ZWINT: variants seen among roughly 807,000 people sequenced by gnomAD.
The protein encoded by ZWINT is ZW10 interacting kinetochore protein, also known as outer kinetochore KNL1 complex subunit ZWINT.
A neutral mutation model predicts 41.5 loss-of-function variants in ZWINT; 41 were observed. That is an observed-to-expected ratio of 0.99 (90% confidence interval 0.77 to 1.28). The LOEUF (loss-of-function observed/expected upper bound fraction) is 1.28, where lower values mean the gene tolerates loss of function less well. Ranked by LOEUF, ZWINT falls within the 50% of genes most tolerant of loss-of-function variation. The pLI is 0.00. For synonymous variants in ZWINT, 132 were observed against 126.8 expected (o/e 1.04, Z -0.28); for missense variants, 369 against 329.7 (o/e 1.12, Z -0.92).
intron 6 of ZWINT, 25 bp downstream of exon 6, chr10:56,358,780 C>T (rs778975363): frequency 1.2e-6 from 2 of 1,613,984 alleles, no homozygotes; most frequent in East Asian, 2.2e-5. Context: ...CATTTTGAAT[C>T]TGCAGCCCAT....
At position 56,358,107 on chromosome 10, in the gene ZWINT, G is replaced by A. The variant is rs556296318; in HGVS notation, c.*120C>T. On this transcript the variant is annotated 3_prime_UTR_variant, in exon 9 of 9. Coordinates refer to ENST00000373944, the MANE Select transcript of ZWINT (RefSeq NM_007057.4). ...CACAGATGCCAGAGCTTGCTGGGAT[G>A]TAGTCAGAAATCAAGCTGAACTCAG... The A allele has an allele frequency of 6.1e-6, 4 of 654,054 alleles. No individual in the cohort carries two copies. The highest frequency in any genetic ancestry group is 3.5e-5 in the East Asian group (1 of 28,920). 40.5% of individuals were successfully genotyped at this position (654,054 alleles called of 1,614,324 possible).
At position 56,360,093 on chromosome 10, in the gene ZWINT, C is replaced by T. The variant is rs773393581; in HGVS notation, c.181G>A (p.Asp61Asn). Reference protein sequence around the residue: ...KLLCSQLQVADFLQNILAQED... With the variant: ...KLLCSQLQVANFLQNILAQED... ...TGAGCCAGGATGTTCTGCAGGAAATCCGCTACCTGAAGCTGGCTGCAGAGC... is the reference window on the plus strand; with the variant it reads ...TGAGCCAGGATGTTCTGCAGGAAATTCGCTACCTGAAGCTGGCTGCAGAGC... The change falls in exon 3 of 9, where the codon GAT becomes AAT. Residue 61 changes from aspartate (D) to asparagine (N), a missense_variant. Transcript: ENST00000373944. The T allele has an allele frequency of 6.2e-7, 1 of 1,614,160 alleles. No individual in the cohort carries two copies. The highest frequency in any genetic ancestry group is 1.7e-5 in the Admixed American group (1 of 60,030).
Position 56,357,948 on chromosome 10 carries a change from T to A in ZWINT, c.*279A>T. 2.4e-6 allele frequency: 1 copy of A among 420,954 alleles called. No homozygotes were observed. The highest frequency in any genetic ancestry group is 4.8e-6 in the Non-Finnish European group (1 of 208,184). 26.1% of individuals were successfully genotyped at this position (420,954 alleles called of 1,614,324 possible). A position where few individuals can be genotyped will look rare whatever the true frequency, so the allele number is the denominator to read the frequency against. The stretch of plus-strand genomic sequence containing the variant: ...CCAAGGCCAGTACCCCCTCCCCATC[T>A]GCACACCCTGTGTTCAAACCAGTCC... On this transcript the variant is annotated 3_prime_UTR_variant, in exon 9 of 9. Transcript: ENST00000373944.
chr10:56,359,423 G>A (rs1235155070), intron 5 of ZWINT, 53 bp downstream of exon 5: 38 of 1,481,366 alleles, frequency 2.6e-5, no homozygotes, highest in Admixed American at 4.6e-5. Context: ...GGACACAGCC[G>A]ATACAATGGC....
chr10:56,358,903 C>T lies in ZWINT; in HGVS notation c.525G>A (p.Arg175=). The change falls in exon 6 of 9, where the codon AGG becomes AGA. Residue 175 remains arginine, a synonymous_variant. Transcript: ENST00000373944. ...CCTGCTGAGTCCCTGTCTTACGCTC[C>T]CTCACCTCTGCAGAAACCTCCGCCA... ...QHLAEVSAEV[R]ERKTGTQQEL... The T allele has an allele frequency of 2.5e-6, 4 of 1,614,100 alleles. No individual in the cohort carries two copies. Among genetic ancestry groups the T allele is most frequent in the Non-Finnish European group, 3.4e-6 (4 of 1,180,012 alleles).
intron 1 of ZWINT, among the ~76,000 whole-genome samples, chr10:56,360,716 T>C (rs1326817807): frequency 6.6e-6 from 1 of 152,190 alleles, no homozygotes; most frequent in Non-Finnish European, 1.5e-5. Context: ...CAGGGAGATA[T>C]GCAAGGAAGG....
chr10:56,358,701 A>G lies in ZWINT; in HGVS notation c.647T>C (p.Leu216Pro). 9.9e-6 allele frequency: 16 copies of G among 1,614,148 alleles called. No homozygotes were observed. Among genetic ancestry groups the G allele is most frequent in the Non-Finnish European group, 1.4e-5 (16 of 1,180,034 alleles). The change falls in exon 7 of 9, where the codon CTG (leucine) becomes CCG (proline). Residue 216 changes from leucine to proline, a missense_variant. Transcript: ENST00000373944. The stretch of plus-strand genomic sequence containing the variant: ...CAACAGCTTACCCTGCAGGGTATAC[A>G]GAAGCTGGAGGAAGGTCTGATACCT... ...LQRYQTFLQL[L>P]YTLQGKLLFP...
rs1838248243 is a variant in ZWINT, at chr10:56,358,964, T to C, written c.481-17A>G. On this transcript the variant is annotated splice_polypyrimidine_tract_variant and intron_variant, in intron 5 of 8. Transcript: ENST00000373944. ...ATGCTTCTCCTGCCAGGAGTGAGCA[T>C]GCAGACATTATGCATCAGATGTTGA... The C allele has an allele frequency of 6.2e-7, 1 of 1,613,480 alleles. No homozygotes were observed.
Position 56,357,309 on chromosome 10 carries a change from A to G in ZWINT, c.*918T>C, listed in dbSNP as rs953034119. 5.3e-5 allele frequency: 8 copies of G among 152,184 alleles called. No individual in the cohort carries two copies. The highest frequency in any genetic ancestry group is 1.9e-4 in the African/African-American group (8 of 41,468). 9.4% of individuals were successfully genotyped at this position (152,184 alleles called of 1,614,324 possible). A position where few individuals can be genotyped will look rare whatever the true frequency, so the allele number is the denominator to read the frequency against. ...TATTCTCTGACCAAATTAAACTTAG[A>G]TTATCTTCTCACAATCAATAGAAGA... On this transcript the variant is annotated 3_prime_UTR_variant, in exon 9 of 9. Transcript: ENST00000373944.
Position 56,358,091 on chromosome 10 carries a change from C to T in ZWINT, c.*136G>A, listed in dbSNP as rs754708054. On this transcript the variant is annotated 3_prime_UTR_variant, in exon 9 of 9. Coordinates refer to ENST00000373944, the MANE Select transcript of ZWINT (RefSeq NM_007057.4). ...TCCAGGGATTTTAATCCACAGATGC[C>T]AGAGCTTGCTGGGATGTAGTCAGAA... 3 of 624,518 alleles carry T rather than the reference C, an allele frequency of 4.8e-6. No individual in the cohort carries two copies. Among genetic ancestry groups the T allele is most frequent in the South Asian group, 4.1e-5 (3 of 72,402 alleles). The allele number at this position is 624,518 out of a possible 1,614,324, so 38.7% of individuals were successfully genotyped here.
Position 56,358,687 on chromosome 10 carries a change from C to T in ZWINT, c.661G>A (p.Gly221Ser). ...TFLQLLYTLQ[G>S]KLLFPEAEAE... Reference sequence around the variant, plus strand: ...TCAGCCTCAGGGAACAACAGCTTACCCTGCAGGGTATACAGAAGCTGGAGG... The same window carrying T: ...TCAGCCTCAGGGAACAACAGCTTACTCTGCAGGGTATACAGAAGCTGGAGG... Residue 221 changes from glycine to serine, a missense_variant, in exon 7 of 9, where the codon GGT becomes AGT. Coordinates refer to ENST00000373944, the MANE Select transcript of ZWINT (RefSeq NM_007057.4). The T allele has an allele frequency of 6.2e-7, 1 of 1,614,088 alleles. No homozygotes were observed.
At chr10:56,358,304 A>T in intron 8 of ZWINT, 73 bp downstream of exon 8, 1 of 1,236,506 alleles carries the variant, frequency 8.1e-7, no homozygotes, top group Non-Finnish European at 1.2e-6. Flanking sequence ...TCAGATGCAG[A>T]GAGAGGTAAA....
chr10:56,358,255 C>A, intron 8 of ZWINT, 70 bp from the exon 9 acceptor site: 1 of 906,196 alleles, frequency 1.1e-6, no homozygotes, highest in Non-Finnish European at 1.9e-6. Flanking sequence ...TAAGCTCTTT[C>A]CTGTTCCCAC....
chr10:56,360,881 G>A (rs192883561), intron 1 of ZWINT, among the ~76,000 whole-genome samples: 1 of 152,242 alleles, frequency 6.6e-6, no homozygotes, highest in East Asian at 1.9e-4. Flanking sequence ...ATCTACGAAG[G>A]GGCAGGGATG....
chr10:56,358,392 T>C lies in ZWINT; in HGVS notation c.*26A>G. On this transcript the variant is annotated 3_prime_UTR_variant, in exon 8 of 9. Coordinates refer to ENST00000373944, the MANE Select transcript of ZWINT (RefSeq NM_007057.4). ...TGGGTCTGACCTTTTCTAGGATCTT[T>C]CTCCATGCTGCTGTCCTCCAGGAAG... is the stretch of plus-strand genomic sequence containing the variant. The C allele has an allele frequency of 6.2e-7, 1 of 1,614,054 alleles. No individual in the cohort carries two copies. The highest frequency in any genetic ancestry group is 1.1e-5 in the South Asian group (1 of 91,074).
rs1282993328 is a variant in ZWINT at position 56,360,273 on chromosome 10, C to T, written c.132+20G>A. ...ACCAGACCCTGGCTTCTGAAAGGCT[C>T]GCTCTCATCTTGTACATACCACCAC... On this transcript the variant is annotated intron_variant, in intron 2 of 8. Transcript: ENST00000373944. 3.1e-6 allele frequency: 5 copies of T among 1,613,630 alleles called. No homozygotes were observed. Among genetic ancestry groups the T allele is most frequent in the African/African-American group, 1.3e-5 (1 of 75,046 alleles).
In ZWINT at chr10:56,358,172, G is replaced by A; in HGVS notation, c.*55C>T. 1 of 743,194 alleles carries A rather than the reference G, an allele frequency of 1.3e-6. No individual in the cohort carries two copies. Among genetic ancestry groups the A allele is most frequent in the Non-Finnish European group, 2.5e-6 (1 of 395,186 alleles). The allele number at this position is 743,194 out of a possible 1,614,324, so 46.0% of individuals were successfully genotyped here. On this transcript the variant is annotated 3_prime_UTR_variant, in exon 9 of 9. Transcript: ENST00000373944. The stretch of plus-strand genomic sequence containing the variant: ...TCCTGTAATGATGGTTGGGAGGTGA[G>A]GGAAGTCAGAGGCCTGGGGAAGAAG...
intron 4 of ZWINT, 59 bp from the exon 5 acceptor site, chr10:56,359,591 G>A: frequency 6.3e-7 from 1 of 1,576,354 alleles, no homozygotes; most frequent in South Asian, 1.2e-5. Context: ...CTAGAATTTT[G>A]GGAGATTGCA....
At position 56,360,342 on chromosome 10, in the gene ZWINT, A is replaced by C. The variant is rs978786813; in HGVS notation, c.83T>G (p.Leu28Arg). The C allele has an allele frequency of 6.2e-7, 1 of 1,614,214 alleles. No homozygotes were observed. The highest frequency in any genetic ancestry group is 8.5e-7 in the Non-Finnish European group (1 of 1,180,032). ...EVAGILEPVGLQEEAELPAKI... is the reference protein window; with the variant it reads ...EVAGILEPVGRQEEAELPAKI... ...GGCTGGCAGTTCTGCCTCCTCCTGCAGGCCTACAGGTTCCAAGATGCCTGC... is the reference window on the plus strand; with the variant it reads ...GGCTGGCAGTTCTGCCTCCTCCTGCCGGCCTACAGGTTCCAAGATGCCTGC... The change falls in exon 2 of 9, where the codon CTG becomes CGG. Residue 28 changes from leucine (L) to arginine (R), a missense_variant. Transcript: ENST00000373944.
Sources: allele counts gnomAD v4.1 joint callset (sites outside exome capture counted in the v4.1 genomes callset), GRCh38; gene constraint gnomAD v4.1.1; transcripts MANE v1.5; gene names NCBI Gene and HGNC (gene_info 2026-07-23, HGNC 2026-07-21).